HECW2: variants seen among roughly 807,000 people sequenced by gnomAD.
The protein encoded by HECW2 is E3 ubiquitin-protein ligase HECW2.
In HECW2, 61 loss-of-function variants were observed where a neutral mutation model predicts 175.2. The observed-to-expected ratio is 0.35, with a 90% confidence interval of 0.28 to 0.43. The LOEUF is 0.43. Among genes scored for constraint, HECW2 ranks in the 20% least tolerant of loss-of-function variants. The probability of loss-of-function intolerance (pLI) is 1.00; values close to 1 mark genes in which losing one functional copy is unlikely to be tolerated. For synonymous variants in HECW2, 671 were observed against 731.0 expected (o/e 0.92, Z 1.32); for missense variants, 1,524 against 2,000.5 (o/e 0.76, Z 4.54).
chr2:196,439,131 C>G lies in HECW2; in HGVS notation c.-35-5673G>C, dbSNP rs1180308481. ...TTAAATGGAAGTAATTTTAATGTAC[C>G]ATGCAAGGTTGTTTTAAGGATTGAA... On this transcript the variant is annotated intron_variant, in intron 1 of 28. Coordinates refer to ENST00000644978, the MANE Select transcript of HECW2 (RefSeq NM_001348768.2). 2.6e-5 allele frequency among the ~76,000 whole-genome samples: 4 copies of G among 152,196 alleles called. No homozygotes were observed. The East Asian group carries it at 7.7e-4, about 29-fold the overall frequency.
At chr2:196,218,841 G>T (rs1208151669) in intron 26 of HECW2, among the ~76,000 whole-genome samples, 1 of 152,180 alleles carries the variant, frequency 6.6e-6, no homozygotes, top group Non-Finnish European at 1.5e-5. Context: ...GAGATACATG[G>T]ATTATACTTG....
At chr2:196,204,247 T>A (rs1686981355) in intron 28 of HECW2, among the ~76,000 whole-genome samples, 1 of 152,238 alleles carries the variant, frequency 6.6e-6, no homozygotes, top group South Asian at 2.1e-4. Context: ...TATTGCATTT[T>A]TCATAGTGGC....
At chr2:196,562,772 G>A (rs1024932812) in intron 1 of HECW2, among the ~76,000 whole-genome samples, 2 of 152,178 alleles carry the variant, frequency 1.3e-5, no homozygotes, top group Non-Finnish European at 2.9e-5. Flanking sequence ...GGCCAGGGTT[G>A]GTGGCTCACA....
At chr2:196,244,320 T>C (rs1038732461) in intron 19 of HECW2, among the ~76,000 whole-genome samples, 2 of 152,234 alleles carry the variant, frequency 1.3e-5, no homozygotes, top group East Asian at 1.9e-4. Flanking sequence ...CCTAGTCCTA[T>C]AGATCCCAGT....
intron 21 of HECW2, among the ~76,000 whole-genome samples, chr2:196,235,648 CTT>C (rs757874073): frequency 3.8e-5 from 3 of 78,896 alleles, no homozygotes; most frequent in African/African-American, 1.4e-4. Flanking sequence ...ATGCATTATT[CTT>C]TTTTTTTTTT....
chr2:196,461,438 G>A (rs549381196), intron 1 of HECW2, among the ~76,000 whole-genome samples: 1 of 152,216 alleles, frequency 6.6e-6, no homozygotes, highest in African/African-American at 2.4e-5. Context: ...CAAACACTTT[G>A]GAAAACCATT....
intron 1 of HECW2, among the ~76,000 whole-genome samples, chr2:196,516,782 C>G (rs991959669): frequency 1.3e-5 from 2 of 152,108 alleles, no homozygotes; most frequent in African/African-American, 2.4e-5. Flanking sequence ...TTGAATCAGA[C>G]AGTAGGAAAG....
At chr2:196,550,263 C>T (rs1215217302) in intron 1 of HECW2, among the ~76,000 whole-genome samples, 3 of 152,150 alleles carry the variant, frequency 2.0e-5, no homozygotes, top group African/African-American at 7.2e-5. Flanking sequence ...AAGTCTCCAT[C>T]CAGACTTCAT....
At chr2:196,445,963 AT>A (rs1227575054) in intron 1 of HECW2, among the ~76,000 whole-genome samples, 4 of 152,188 alleles carry the variant, frequency 2.6e-5, no homozygotes, top group African/African-American at 9.7e-5. Context: ...TATTCTCAAT[AT>A]GACAGCCAGA....
chr2:196,278,326 C>T (rs1221963211), intron 15 of HECW2, among the ~76,000 whole-genome samples: 1 of 148,478 alleles, frequency 6.7e-6, no homozygotes, highest in Non-Finnish European at 1.5e-5. Context: ...CTCATATATC[C>T]TACCTTTTTA....
intron 2 of HECW2, among the ~76,000 whole-genome samples, chr2:196,419,680 T>G (rs1263132292): frequency 1.3e-5 from 2 of 152,244 alleles, no homozygotes; most frequent in Non-Finnish European, 2.9e-5. Context: ...ACACAGTAGG[T>G]TCTCAACAAA....
chr2:196,238,930 A>G (rs190140508), intron 21 of HECW2: 1 of 152,322 alleles, frequency 6.6e-6, no homozygotes, highest in Admixed American at 6.5e-5. Context: ...TCTTCCCTAT[A>G]TCTTTGAGAT....
chr2:196,334,081 T>A (rs1195534643), intron 4 of HECW2, among the ~76,000 whole-genome samples: 1 of 152,032 alleles, frequency 6.6e-6, no homozygotes, highest in African/African-American at 2.4e-5. Flanking sequence ...TAGTTAAAAT[T>A]CACATAAGAT....
At chr2:196,515,729 G>A (rs764014114) in intron 1 of HECW2, among the ~76,000 whole-genome samples, 1 of 152,188 alleles carries the variant, frequency 6.6e-6, no homozygotes. Flanking sequence ...AAAGTGGAAA[G>A]TTAATATCCT....
At chr2:196,276,900 T>C (rs1689978889) in intron 15 of HECW2, among the ~76,000 whole-genome samples, 1 of 152,220 alleles carries the variant, frequency 6.6e-6, no homozygotes, top group Non-Finnish European at 1.5e-5. Context: ...CAGATCCAGT[T>C]ATTTATTGTA....
intron 1 of HECW2, among the ~76,000 whole-genome samples, chr2:196,523,960 G>A (rs984345763): frequency 1.3e-5 from 2 of 152,014 alleles, no homozygotes; most frequent in African/African-American, 2.4e-5. Flanking sequence ...GTCTCTGCCC[G>A]GCTTTGGTAT....
intron 1 of HECW2, among the ~76,000 whole-genome samples, chr2:196,521,040 G>A (rs1466067264): frequency 6.6e-6 from 1 of 152,140 alleles, no homozygotes; most frequent in African/African-American, 2.4e-5. Flanking sequence ...GGTGGGTTCA[G>A]ATCAGGAGAA....
At chr2:196,378,588 TA>T (rs903363587) in intron 2 of HECW2, among the ~76,000 whole-genome samples, 2 of 152,208 alleles carry the variant, frequency 1.3e-5, no homozygotes, top group African/African-American at 4.8e-5. Flanking sequence ...TGACAATAAC[TA>T]GGGCACCAAT....
chr2:196,424,531 C>G (rs1170983098), intron 2 of HECW2, among the ~76,000 whole-genome samples: 1 of 152,108 alleles, frequency 6.6e-6, no homozygotes, highest in East Asian at 1.9e-4. Context: ...ATTTAAAATG[C>G]TATTCCAAAG....
Sources: allele counts gnomAD v4.1 joint callset (sites outside exome capture counted in the v4.1 genomes callset), GRCh38; gene constraint gnomAD v4.1.1; transcripts MANE v1.5; gene names NCBI Gene and HGNC (gene_info 2026-07-23, HGNC 2026-07-21).